RPRD1A: variants seen among roughly 807,000 people sequenced by gnomAD.
RPRD1A encodes the protein regulation of nuclear pre-mRNA domain-containing protein 1A.
Under a neutral mutation model 37.8 loss-of-function variants are expected in RPRD1A, and 9 were observed. The ratio of observed to expected loss-of-function variants is 0.24; its 90% CI spans 0.14 to 0.42. The LOEUF (loss-of-function observed/expected upper bound fraction) is 0.42, where lower values mean the gene tolerates loss of function less well. RPRD1A is among the 10% of genes least tolerant of loss of function. The probability of loss-of-function intolerance (pLI) is 1.00; values close to 1 mark genes in which losing one functional copy is unlikely to be tolerated. For synonymous variants in RPRD1A, 138 were observed against 139.7 expected (o/e 0.99, Z 0.08); for missense variants, 255 against 371.0 (o/e 0.69, Z 2.57).
At chr18:36,052,561 T>A (rs1422495504) in intron 1 of RPRD1A, among the ~76,000 whole-genome samples, 2 of 151,458 alleles carry the variant, frequency 1.3e-5, no homozygotes, top group East Asian at 3.9e-4. Flanking sequence ...AAGAACAGAG[T>A]TTTTGTATGC....
chr18:36,038,896 G>A (rs1308735703), intron 1 of RPRD1A, among the ~76,000 whole-genome samples: 1 of 152,134 alleles, frequency 6.6e-6, no homozygotes, highest in Non-Finnish European at 1.5e-5. Context: ...TCTCCCTTCT[G>A]GAACAGGAGC....
chr18:36,020,001 C>T (rs998627818), intron 6 of RPRD1A, among the ~76,000 whole-genome samples: 5 of 152,104 alleles, frequency 3.3e-5, no homozygotes, highest in African/African-American at 9.7e-5. Context: ...GATCACGCCA[C>T]TGCAGTCCAG....
chr18:36,046,832 G>GAA (rs759814914), intron 1 of RPRD1A, among the ~76,000 whole-genome samples: 1 of 129,580 alleles, frequency 7.7e-6, no homozygotes, highest in African/African-American at 2.9e-5. Context: ...GAGCCCATCT[G>GAA]AAAAAAAAAA....
At chr18:36,024,205 G>A (rs1471445549) in intron 6 of RPRD1A, among the ~76,000 whole-genome samples, 1 of 151,772 alleles carries the variant, frequency 6.6e-6, no homozygotes, top group African/African-American at 2.4e-5. Context: ...GGAGGGCAGT[G>A]GTGTGATCTC....
Position 36,067,268 on chromosome 18 carries a change from C to A in RPRD1A, c.137G>T (p.Arg46Leu). The A allele has an allele frequency of 1.3e-6, 2 of 1,591,998 alleles. No individual in the cohort carries two copies. Among genetic ancestry groups the A allele is most frequent in the Non-Finnish European group, 1.7e-6 (2 of 1,169,624 alleles). The change falls in exon 1 of 7, where the codon CGG becomes CTG. Residue 46 changes from arginine (R) to leucine (L), a missense_variant. Physicochemically the swap from Arg to Leu is moderately radical, Grantham distance 102. Coordinates refer to ENST00000399022, the MANE Select transcript of RPRD1A (RefSeq NM_018170.5). ...GGTTGACTCACCTTTCCGCAGCTCCCGCTCCCACACGGTGACGATGGGACG... is the reference window on the plus strand; with the variant it reads ...GGTTGACTCACCTTTCCGCAGCTCCAGCTCCCACACGGTGACGATGGGACG... Reference protein sequence around the residue: ...HSRPIVTVWERELRKAKPNRK... With the variant: ...HSRPIVTVWELELRKAKPNRK...
chr18:36,040,670 G>C (rs1912517261), intron 1 of RPRD1A: 2 of 523,976 alleles, frequency 3.8e-6, no homozygotes, highest in Admixed American at 3.9e-5. Flanking sequence ...TTCAAAACTA[G>C]AGTTGTGATC....
chr18:36,055,354 G>GT (rs565141794), intron 1 of RPRD1A, among the ~76,000 whole-genome samples: 66 of 152,128 alleles, frequency 4.3e-4, no homozygotes, highest in Non-Finnish European at 6.8e-4. Context: ...ACTAATTGAT[G>GT]TTTTCAGTTT....
chr18:36,008,948 C>T (rs991025473), intron 6 of RPRD1A, among the ~76,000 whole-genome samples: 7 of 152,056 alleles, frequency 4.6e-5, no homozygotes, highest in Admixed American at 2.6e-4. Flanking sequence ...TCTCAGCACA[C>T]GGCTGTAAGG....
At chr18:36,010,673 C>T (rs1266945712) in intron 6 of RPRD1A, among the ~76,000 whole-genome samples, 1 of 152,214 alleles carries the variant, frequency 6.6e-6, no homozygotes, top group East Asian at 1.9e-4. Context: ...CTTCATCAAT[C>T]ATATTTGAGA....
At chr18:36,048,422 G>T (rs576213935) in intron 1 of RPRD1A, among the ~76,000 whole-genome samples, 6 of 151,988 alleles carry the variant, frequency 3.9e-5, no homozygotes, top group Non-Finnish European at 8.8e-5. Flanking sequence ...CATATAAAAA[G>T]AATTTTACAA....
intron 1 of RPRD1A, among the ~76,000 whole-genome samples, chr18:36,043,614 T>C (rs1004931986): frequency 6.6e-6 from 1 of 152,222 alleles, no homozygotes; most frequent in Non-Finnish European, 1.5e-5. Flanking sequence ...GGAACAGTTA[T>C]GGAAGAATAT....
At chr18:35,996,977 C>CAAAAAAAAAAAA (rs200694089) in intron 6 of RPRD1A, among the ~76,000 whole-genome samples, 2 of 55,622 alleles carry the variant, frequency 3.6e-5, no homozygotes, top group African/African-American at 1.5e-4. Flanking sequence ...GACCCTGTCT[C>CAAAAAAAAAAAA]AAAAAAAAAA....
chr18:36,065,315 T>C (rs2089007630), intron 1 of RPRD1A, among the ~76,000 whole-genome samples: 1 of 152,170 alleles, frequency 6.6e-6, no homozygotes, highest in African/African-American at 2.4e-5. Context: ...TACCTTGTTT[T>C]CTTAGCTCAA....
chr18:36,029,331 C>A (rs1054966310), intron 4 of RPRD1A, among the ~76,000 whole-genome samples: 1 of 152,158 alleles, frequency 6.6e-6, no homozygotes, highest in Non-Finnish European at 1.5e-5. Flanking sequence ...GAATTTGGAA[C>A]CAGTCCTCTA....
At chr18:36,012,339 T>A (rs1434412418) in intron 6 of RPRD1A, among the ~76,000 whole-genome samples, 3 of 152,218 alleles carry the variant, frequency 2.0e-5, no homozygotes, top group Non-Finnish European at 2.9e-5. Context: ...ATGACTTCGT[T>A]ACCGGTTTAT....
At chr18:36,015,227 T>G (rs1374954801) in intron 6 of RPRD1A, among the ~76,000 whole-genome samples, 1 of 150,690 alleles carries the variant, frequency 6.6e-6, no homozygotes, top group African/African-American at 2.4e-5. Flanking sequence ...TTTTTTTTTT[T>G]TTTGAGACAG....
intron 1 of RPRD1A, among the ~76,000 whole-genome samples, chr18:36,034,190 G>A (rs939146076): frequency 6.6e-6 from 1 of 152,118 alleles, no homozygotes; most frequent in Non-Finnish European, 1.5e-5. Flanking sequence ...TAATAGACAT[G>A]TTAATTCGAA....
chr18:35,997,815 C>G (rs551358172), intron 6 of RPRD1A, among the ~76,000 whole-genome samples: 11 of 152,324 alleles, frequency 7.2e-5, no homozygotes, highest in African/African-American at 2.6e-4. Flanking sequence ...ACACCTAGAT[C>G]AAGATATAGG....
chr18:36,041,878 G>A (rs1280916143), intron 1 of RPRD1A, among the ~76,000 whole-genome samples: 1 of 152,222 alleles, frequency 6.6e-6, no homozygotes, highest in Non-Finnish European at 1.5e-5. Flanking sequence ...CACAGCAGAG[G>A]TGGGTGAAAA....
Sources: allele counts gnomAD v4.1 joint callset (sites outside exome capture counted in the v4.1 genomes callset), GRCh38; gene constraint gnomAD v4.1.1; transcripts MANE v1.5; gene names NCBI Gene and HGNC (gene_info 2026-07-23, HGNC 2026-07-21).